MCC: variants seen among roughly 807,000 people sequenced by gnomAD.
MCC encodes the protein colorectal mutant cancer protein.
Under a neutral mutation model 116.2 loss-of-function variants are expected in MCC, and 90 were observed. The observed-to-expected ratio is 0.77, with a 90% CI of 0.65 to 0.92. MCC has a LOEUF of 0.92. MCC is among the 40% of genes least tolerant of loss of function. The probability of loss-of-function intolerance (pLI) is 0.00; values close to 1 mark genes in which losing one functional copy is unlikely to be tolerated. For missense variants in MCC, 1,516 were observed against 1,312.2 expected (o/e 1.16, Z -2.40); for synonymous variants, 578 against 510.5 (o/e 1.13, Z -1.78).
intron 8 of MCC, among the ~76,000 whole-genome samples, chr5:113,091,978 G>A (rs554687919): frequency 1.3e-5 from 2 of 152,120 alleles, no homozygotes. Flanking sequence ...TGTGGGTGTT[G>A]TTCTGTTTCA....
chr5:113,283,597 C>T (rs756343593), intron 3 of MCC, among the ~76,000 whole-genome samples: 1 of 152,146 alleles, frequency 6.6e-6, no homozygotes, highest in Admixed American at 6.5e-5. Flanking sequence ...CTTGACCAAT[C>T]ACTCCCTGTC....
chr5:113,140,923 A>G (rs1180824501), intron 5 of MCC, among the ~76,000 whole-genome samples: 2 of 152,216 alleles, frequency 1.3e-5, no homozygotes, highest in African/African-American at 2.4e-5. Flanking sequence ...TTAGGTGTCA[A>G]CTTGACTGGA....
intron 8 of MCC, among the ~76,000 whole-genome samples, chr5:113,099,104 T>C (rs1332515726): frequency 1.7e-5 from 1 of 57,950 alleles, no homozygotes; most frequent in Non-Finnish European, 3.7e-5. Flanking sequence ...TTCAAATGCA[T>C]CTAGTACACT....
intron 3 of MCC, among the ~76,000 whole-genome samples, chr5:113,331,434 C>T (rs192742641): frequency 4.0e-5 from 6 of 150,972 alleles, no homozygotes; most frequent in Admixed American, 6.6e-5. Flanking sequence ...GTGTTAGTAG[C>T]GGATGTCAGG....
intron 1 of MCC, among the ~76,000 whole-genome samples, chr5:113,406,995 A>G (rs1769854362): frequency 6.6e-6 from 1 of 152,216 alleles, no homozygotes; most frequent in Admixed American, 6.5e-5. Context: ...ACTTAGTGAG[A>G]ACAGATGCAG....
At chr5:113,170,535 C>G (rs10519338) in intron 3 of MCC, among the ~76,000 whole-genome samples, 6,701 of 152,010 alleles carry the variant, frequency 0.044, 191 homozygotes, top group African/African-American at 0.072. Flanking sequence ...TTGTGGGAAG[C>G]TAATATTTAC....
At chr5:113,143,843 T>C (rs531835270) in intron 4 of MCC, among the ~76,000 whole-genome samples, 1 of 152,188 alleles carries the variant, frequency 6.6e-6, no homozygotes, top group Non-Finnish European at 1.5e-5. Context: ...CAGTTTCCCT[T>C]TTTACCAATT....
intron 3 of MCC, chr5:113,234,409 T>C (rs1003602643): frequency 1.6e-4 from 25 of 152,130 alleles, no homozygotes; most frequent in Non-Finnish European, 2.6e-4. Context: ...AGAGCAACAC[T>C]TCAATAAGAA....
intron 1 of MCC, among the ~76,000 whole-genome samples, chr5:113,462,749 T>C (rs575379305): frequency 1.3e-5 from 2 of 152,344 alleles, no homozygotes; most frequent in East Asian, 3.9e-4. Context: ...TTTGGGTTAA[T>C]TCTAAGAAGC....
intron 13 of MCC, among the ~76,000 whole-genome samples, chr5:113,064,722 G>A (rs535211646): frequency 6.6e-6 from 1 of 152,256 alleles, no homozygotes; most frequent in Non-Finnish European, 1.5e-5. Context: ...CCTTCTCTTG[G>A]CTTGGTAATC....
chr5:113,180,891 G>A (rs1398023131), intron 3 of MCC, among the ~76,000 whole-genome samples: 6 of 151,938 alleles, frequency 3.9e-5, no homozygotes, highest in East Asian at 1.9e-4. Flanking sequence ...AGTTACTTAC[G>A]TCCTTCTAAC....
At chr5:113,410,878 T>C (rs255862) in intron 1 of MCC, among the ~76,000 whole-genome samples, 69,693 of 152,034 alleles carry the variant, frequency 0.46, 17,935 homozygotes, top group African/African-American at 0.69. Flanking sequence ...GTCCGTGTGA[T>C]AGTTTGCTCA....
chr5:113,473,151 G>C (rs1262943317), intron 1 of MCC, among the ~76,000 whole-genome samples: 5 of 152,110 alleles, frequency 3.3e-5, no homozygotes, highest in Non-Finnish European at 7.3e-5. Flanking sequence ...ACTAACCATA[G>C]AGGGATAGCT....
intron 3 of MCC, among the ~76,000 whole-genome samples, chr5:113,160,096 T>C (rs998365931): frequency 6.6e-6 from 1 of 152,160 alleles, no homozygotes; most frequent in African/African-American, 2.4e-5. Context: ...GGACACCATT[T>C]ATACAAGAAA....
At chr5:113,468,399 T>C (rs527810576) in intron 1 of MCC, among the ~76,000 whole-genome samples, 1 of 152,378 alleles carries the variant, frequency 6.6e-6, no homozygotes, top group Non-Finnish European at 1.5e-5. Flanking sequence ...GAAAGGTTGT[T>C]GAACTTTGTC....
intron 14 of MCC, among the ~76,000 whole-genome samples, chr5:113,059,033 G>A (rs372006611): frequency 2.0e-5 from 3 of 152,166 alleles, no homozygotes; most frequent in Admixed American, 6.5e-5. Flanking sequence ...CAGGCAGGCA[G>A]AGACTGACAG....
In MCC at chr5:113,365,476, A is replaced by C. The variant is rs565557675; in HGVS notation, c.415+19492T>G. On this transcript the variant is annotated intron_variant, in intron 2 of 18. Coordinates refer to ENST00000408903, the MANE Select transcript of MCC (RefSeq NM_001085377.2). ...TGTCATAACCATTCAACAAGTCTCTAGGAAGTTCCAAACTTTCTCTTAACT... is the reference window on the plus strand; with the variant it reads ...TGTCATAACCATTCAACAAGTCTCTCGGAAGTTCCAAACTTTCTCTTAACT... 5.4e-4 allele frequency among the ~76,000 whole-genome samples: 82 copies of C among 152,310 alleles called. 2 individuals are homozygous for C. Among genetic ancestry groups the C allele is most frequent in the Admixed American group, 4.6e-3 (70 of 15,294 alleles).
intron 2 of MCC, among the ~76,000 whole-genome samples, chr5:113,356,494 ACTTAT>A (rs1195662662): frequency 2.6e-5 from 4 of 151,778 alleles, no homozygotes; most frequent in African/African-American, 4.8e-5. Flanking sequence ...TGTTTCTTTC[ACTTAT>A]CTAAATAGCA....
chr5:113,291,086 T>A (rs1766477005), intron 3 of MCC, among the ~76,000 whole-genome samples: 1 of 152,214 alleles, frequency 6.6e-6, no homozygotes, highest in Non-Finnish European at 1.5e-5. Context: ...AATTTTACTA[T>A]CTGCTGTAAT....
Sources: allele counts gnomAD v4.1 joint callset (sites outside exome capture counted in the v4.1 genomes callset), GRCh38; gene constraint gnomAD v4.1.1; transcripts MANE v1.5; gene names NCBI Gene and HGNC (gene_info 2026-07-23, HGNC 2026-07-21).